PPFIA2: variants seen among roughly 807,000 people sequenced by gnomAD.
PPFIA2 encodes the protein liprin-alpha-2.
PPFIA2 carries 46 observed loss-of-function variants against 175.5 expected under a neutral mutation model. The observed-to-expected ratio is 0.26, with a 90% CI of 0.21 to 0.34. The LOEUF (loss-of-function observed/expected upper bound fraction) is 0.34, where lower values mean the gene tolerates loss of function less well. Ranked by LOEUF, PPFIA2 falls within the 10% of genes least tolerant of loss-of-function variation. The pLI is 1.00. For synonymous variants in PPFIA2, 568 were observed against 511.4 expected (o/e 1.11, Z -1.49); for missense variants, 1,179 against 1,506.1 (o/e 0.78, Z 3.60).
At chr12:81,573,572 G>T (rs544453930) in intron 4 of PPFIA2, among the ~76,000 whole-genome samples, 3 of 151,710 alleles carry the variant, frequency 2.0e-5, no homozygotes, top group African/African-American at 7.3e-5. Context: ...GGTTATTTCC[G>T]GTAAATGTGA....
At chr12:81,566,457 G>C (rs1211587086) in intron 4 of PPFIA2, among the ~76,000 whole-genome samples, 1 of 148,988 alleles carries the variant, frequency 6.7e-6, no homozygotes, top group Non-Finnish European at 1.5e-5. Flanking sequence ...CCGGGAGGCG[G>C]AGGTTGCAGT....
chr12:81,615,947 G>T (rs918782585), intron 4 of PPFIA2, among the ~76,000 whole-genome samples: 14 of 152,082 alleles, frequency 9.2e-5, no homozygotes, highest in Admixed American at 9.2e-4. Context: ...AGAAGAGAAA[G>T]AATCTACAAG....
At chr12:81,274,738 C>T (rs1423373843) in intron 28 of PPFIA2, among the ~76,000 whole-genome samples, 1 of 152,192 alleles carries the variant, frequency 6.6e-6, no homozygotes, top group African/African-American at 2.4e-5. Context: ...AGGGTTAATT[C>T]ACACTTCAGA....
chr12:81,276,030 C>G (rs1457490842), intron 28 of PPFIA2, among the ~76,000 whole-genome samples: 2 of 152,092 alleles, frequency 1.3e-5, no homozygotes, highest in Non-Finnish European at 2.9e-5. Flanking sequence ...GTGATCCGCC[C>G]GCCTCGGCCT....
intron 28 of PPFIA2, among the ~76,000 whole-genome samples, chr12:81,273,170 T>G (rs558237601): frequency 3.3e-4 from 50 of 152,310 alleles, no homozygotes; most frequent in African/African-American, 1.1e-3. Context: ...ATTTTTAGAT[T>G]ATAATTCCAT....
At chr12:81,359,792 T>G (rs1234573779) in intron 15 of PPFIA2, among the ~76,000 whole-genome samples, 1 of 151,756 alleles carries the variant, frequency 6.6e-6, no homozygotes, top group East Asian at 1.9e-4. Context: ...ATTTCACAGC[T>G]CCAGATAATT....
chr12:81,647,065 AGG>A (rs11309241), intron 4 of PPFIA2, among the ~76,000 whole-genome samples: 13,452 of 148,560 alleles, frequency 0.091, 711 homozygotes, highest in East Asian at 0.24. Context: ...TTAAAAAAAA[AGG>A]GGGGGGGAGC....
intron 4 of PPFIA2, among the ~76,000 whole-genome samples, chr12:81,617,813 A>G (rs750817409): frequency 3.3e-5 from 5 of 152,252 alleles, no homozygotes; most frequent in Non-Finnish European, 7.3e-5. Context: ...TTTAGGATAC[A>G]TTAGTGAACA....
intron 4 of PPFIA2, among the ~76,000 whole-genome samples, chr12:81,640,620 T>G (rs1260308747): frequency 2.0e-5 from 3 of 152,130 alleles, no homozygotes; most frequent in Admixed American, 2.0e-4. Flanking sequence ...CCATCATCCA[T>G]TTCCATTGAC....
intron 4 of PPFIA2, among the ~76,000 whole-genome samples, chr12:81,607,883 G>A (rs763968319): frequency 6.6e-6 from 1 of 152,034 alleles, no homozygotes; most frequent in Admixed American, 6.6e-5. Flanking sequence ...TTTCTCAAGG[G>A]GGACGGTTCT....
At chr12:81,425,344 T>C (rs935324541) in intron 7 of PPFIA2, among the ~76,000 whole-genome samples, 2 of 152,070 alleles carry the variant, frequency 1.3e-5, no homozygotes, top group African/African-American at 4.8e-5. Flanking sequence ...GTATTTTATT[T>C]TTTTATTTAT....
intron 4 of PPFIA2, among the ~76,000 whole-genome samples, chr12:81,580,478 G>A (rs992374805): frequency 8.6e-5 from 13 of 151,664 alleles, no homozygotes; most frequent in African/African-American, 3.1e-4. Context: ...CAAACAGATT[G>A]AAATGGAATA....
intron 4 of PPFIA2, among the ~76,000 whole-genome samples, chr12:81,632,898 G>C (rs1259990779): frequency 1.3e-5 from 2 of 148,520 alleles, no homozygotes; most frequent in Non-Finnish European, 2.9e-5. Context: ...CATTCTGATA[G>C]GGCTCTAGTG....
At chr12:81,566,680 G>A (rs968242743) in intron 4 of PPFIA2, among the ~76,000 whole-genome samples, 4 of 152,004 alleles carry the variant, frequency 2.6e-5, no homozygotes, top group Admixed American at 1.3e-4. Context: ...TCAAGTTTCC[G>A]TATTCACATT....
At chr12:81,330,651 A>T (rs1188696647) in intron 21 of PPFIA2, among the ~76,000 whole-genome samples, 1 of 152,142 alleles carries the variant, frequency 6.6e-6, no homozygotes, top group Non-Finnish European at 1.5e-5. Flanking sequence ...CCCATATTGC[A>T]AGGCCTCTGT....
intron 3 of PPFIA2, among the ~76,000 whole-genome samples, chr12:81,722,417 G>C (rs1027349909): frequency 6.6e-6 from 1 of 150,990 alleles, no homozygotes; most frequent in African/African-American, 2.4e-5. Flanking sequence ...CTTATTACTA[G>C]TATCTTATCC....
At chr12:81,675,703 T>C (rs1179146636) in intron 4 of PPFIA2, 1 of 152,014 alleles carries the variant, frequency 6.6e-6, no homozygotes, top group East Asian at 1.9e-4. Context: ...TCACCTGAAA[T>C]ACTTAGGTAA....
chr12:81,525,529 C>T (rs926581918), intron 4 of PPFIA2, among the ~76,000 whole-genome samples: 4 of 152,128 alleles, frequency 2.6e-5, no homozygotes, highest in African/African-American at 9.7e-5. Context: ...GGCCTAAATT[C>T]TAGCAGCCAC....
intron 22 of PPFIA2, among the ~76,000 whole-genome samples, chr12:81,325,549 G>C (rs973998423): frequency 3.9e-5 from 6 of 152,052 alleles, no homozygotes; most frequent in Non-Finnish European, 7.4e-5. Flanking sequence ...GGATGGTTAC[G>C]TTGAAGAAAC....
Sources: gnomAD v4.1 joint callset for allele counts (sites outside exome capture counted in the v4.1 genomes callset) on GRCh38, gnomAD v4.1.1 for gene constraint, MANE v1.5 for transcripts, NCBI Gene and HGNC (gene_info 2026-07-23, HGNC 2026-07-21) for gene names.